The following NTRK3 variants were observed in gnomAD, a reference collection of about 807,000 sequenced individuals.
The protein encoded by NTRK3 is neurotrophic receptor tyrosine kinase 3, also known as NT-3 growth factor receptor.
A neutral mutation model predicts 91.7 loss-of-function variants in NTRK3; 24 were observed. The ratio of observed to expected loss-of-function variants is 0.26; its 90% confidence interval spans 0.19 to 0.37. The LOEUF (loss-of-function observed/expected upper bound fraction) is 0.37. Among genes scored for constraint, NTRK3 ranks in the 10% least tolerant of loss-of-function variants. The pLI, the probability that NTRK3 is intolerant of heterozygous loss-of-function variation, is 1.00. For missense variants in NTRK3, 880 were observed against 1,068.9 expected (o/e 0.82, Z 2.46); for synonymous variants, 483 against 404.0 (o/e 1.20, Z -2.34).
chr15:88,185,853 G>A (rs2046901011), intron 3 of NTRK3, among the ~76,000 whole-genome samples: 1 of 152,186 alleles, frequency 6.6e-6, no homozygotes, highest in Non-Finnish European at 1.5e-5. Context: ...GAGCCACACG[G>A]TGACAAGGTA....
rs1050636935 is a variant in NTRK3, at chr15:88,136,521, G to T, written c.711C>A (p.Pro237=). ...TGACTATCCAGTCCACATCAGGAAG[G>T]GGTGATCCAGAGCCATTGCAAGTGA... The change falls in exon 8 of 19, where the codon CCC becomes CCA. Residue 237 remains proline, a synonymous_variant. Coordinates refer to ENST00000394480, the Ensembl canonical transcript of NTRK3. The T allele has an allele frequency of 4.3e-6, 7 of 1,613,928 alleles. No individual in the cohort carries two copies. The African/African-American group carries it at 8.0e-5, about 18-fold the overall frequency.
intron 13 of NTRK3, among the ~76,000 whole-genome samples, chr15:88,076,867 T>A (rs1037575569): frequency 1.3e-4 from 20 of 151,862 alleles, no homozygotes; most frequent in African/African-American, 4.8e-4. Flanking sequence ...CCGAGGTGGG[T>A]GGATCACCTG....
At chr15:88,209,020 C>T (rs1007119647) in intron 3 of NTRK3, among the ~76,000 whole-genome samples, 1 of 151,984 alleles carries the variant, frequency 6.6e-6, no homozygotes, top group African/African-American at 2.4e-5. Context: ...AACTTGAAGA[C>T]TAATAAGGGA....
chr15:88,137,312 G>T (rs757749134), intron 7 of NTRK3, 92 bp downstream of exon 7: 2 of 1,480,526 alleles, frequency 1.4e-6, no homozygotes, highest in Admixed American at 1.7e-5. Context: ...CGAAAGGAAG[G>T]CTCTGGCATC....
At chr15:88,170,783 C>T (rs1317121827) in intron 5 of NTRK3, among the ~76,000 whole-genome samples, 1 of 152,146 alleles carries the variant, frequency 6.6e-6, no homozygotes, top group Non-Finnish European at 1.5e-5. Context: ...TCTGGAAAGT[C>T]AGTTCTAAAA....
intron 5 of NTRK3, among the ~76,000 whole-genome samples, chr15:88,157,436 C>T (rs1429172673): frequency 3.9e-5 from 6 of 152,124 alleles, no homozygotes. Context: ...CCCTTCTGGT[C>T]TGTGCTGCCT....
intron 10 of NTRK3, among the ~76,000 whole-genome samples, chr15:88,129,943 G>A (rs936796598): frequency 3.3e-5 from 5 of 152,134 alleles, no homozygotes; most frequent in African/African-American, 1.2e-4. Flanking sequence ...ATCAAATATG[G>A]TTGATGTCCT....
intron 5 of NTRK3, among the ~76,000 whole-genome samples, chr15:88,152,832 T>A (rs369099085): frequency 6.6e-6 from 1 of 152,190 alleles, no homozygotes; most frequent in African/African-American, 2.4e-5. Context: ...GCCACTAAGA[T>A]CTAATCTGGT....
intron 3 of NTRK3, among the ~76,000 whole-genome samples, chr15:88,242,873 G>A (rs996444171): frequency 8.5e-5 from 13 of 152,336 alleles, no homozygotes; most frequent in South Asian, 8.3e-4. Flanking sequence ...TGCACACACC[G>A]CCAATGCCAG....
At chr15:87,866,052 A>C (rs554237196) in exon 19 of NTRK3, 15 of 230,608 alleles carry the variant, frequency 6.5e-5, no homozygotes, top group Admixed American at 4.5e-4. Flanking sequence ...TACAGTTCAC[A>C]GAGTATGTTA....
intron 3 of NTRK3, among the ~76,000 whole-genome samples, chr15:88,246,487 G>C (rs1205842071): frequency 6.6e-6 from 1 of 152,172 alleles, no homozygotes; most frequent in Non-Finnish European, 1.5e-5. Flanking sequence ...TTCAGCCAGG[G>C]CATCAGACAG....
intron 13 of NTRK3, among the ~76,000 whole-genome samples, chr15:88,067,490 G>A (rs1336611655): frequency 6.6e-6 from 1 of 152,162 alleles, no homozygotes; most frequent in Non-Finnish European, 1.5e-5. Flanking sequence ...CCAGGGGGAT[G>A]GGTTTTGCCT....
intron 3 of NTRK3, among the ~76,000 whole-genome samples, chr15:88,226,439 C>T (rs1036973643): frequency 6.6e-6 from 1 of 152,234 alleles, no homozygotes; most frequent in Non-Finnish European, 1.5e-5. Flanking sequence ...GAAGGCCAGG[C>T]ACTGAAGGGC....
intron 13 of NTRK3, among the ~76,000 whole-genome samples, chr15:88,042,020 T>A (rs987283112): frequency 5.3e-5 from 8 of 152,120 alleles, no homozygotes; most frequent in African/African-American, 1.9e-4. Context: ...TCATGCTTTT[T>A]TTAATGTGTC....
intron 13 of NTRK3, among the ~76,000 whole-genome samples, chr15:88,067,847 A>T (rs2046786274): frequency 6.6e-6 from 1 of 151,890 alleles, no homozygotes; most frequent in African/African-American, 2.4e-5. Flanking sequence ...TGTAATATAC[A>T]TGAAAAGTCC....
intron 13 of NTRK3, among the ~76,000 whole-genome samples, chr15:88,113,394 C>A (rs1288985409): frequency 1.4e-5 from 2 of 144,422 alleles, no homozygotes; most frequent in African/African-American, 5.3e-5. Context: ...TGGCTCACTG[C>A]AACCTCTGCC....
exon 19 of NTRK3, chr15:87,866,165 A>G (rs1369416108): frequency 4.4e-6 from 1 of 225,388 alleles, no homozygotes; most frequent in East Asian, 6.4e-5. Context: ...AAGGGCAGAC[A>G]ATGTTTTTCC....
intron 6 of NTRK3, among the ~76,000 whole-genome samples, chr15:88,146,614 C>T (rs570841567): frequency 3.9e-5 from 6 of 152,326 alleles, no homozygotes; most frequent in African/African-American, 1.4e-4. Context: ...AATGTTCACT[C>T]ATTTGGCCTT....
intron 14 of NTRK3, among the ~76,000 whole-genome samples, chr15:87,950,448 C>G (rs980278658): frequency 6.6e-6 from 1 of 152,164 alleles, no homozygotes; most frequent in African/African-American, 2.4e-5. Context: ...CAGCACCCCC[C>G]AAAATACAAC....
Sources: gnomAD v4.1 joint callset for allele counts (sites outside exome capture counted in the v4.1 genomes callset) on GRCh38, gnomAD v4.1.1 for gene constraint, MANE v1.5 for transcripts, NCBI Gene and HGNC (gene_info 2026-07-23, HGNC 2026-07-21) for gene names.